Variants in METTL15 observed in about 807,000 individuals in gnomAD.
The protein encoded by METTL15 is methyltransferase 15, mitochondrial 12S rRNA N4-cytidine, also known as 12S rRNA N(4)-cytidine methyltransferase METTL15.
METTL15 carries 34 observed loss-of-function variants against 38.3 expected under a neutral mutation model. The observed-to-expected ratio is 0.89, with a 90% confidence interval of 0.68 to 1.18. The LOEUF (loss-of-function observed/expected upper bound fraction) is 1.18, where lower values mean the gene tolerates loss of function less well. Among genes scored for constraint, METTL15 ranks in the 50% most tolerant of loss-of-function variants. The pLI is 0.00. For missense variants in METTL15, 438 were observed against 498.4 expected, an observed-to-expected ratio of 0.88 and a Z score of 1.15; for synonymous variants, 162 against 170.9, an observed-to-expected ratio of 0.95 and a Z score of 0.41.
At chr11:28,155,062 T>C (rs1253636819) in intron 3 of METTL15, among the ~76,000 whole-genome samples, 1 of 152,144 alleles carries the variant, frequency 6.6e-6, no homozygotes, top group Non-Finnish European at 1.5e-5. Context: ...AAAAGAGAAT[T>C]AAGAAAGCAG....
chr11:28,201,331 G>C (rs1474910750), intron 3 of METTL15, among the ~76,000 whole-genome samples: 1 of 152,100 alleles, frequency 6.6e-6, no homozygotes, highest in Non-Finnish European at 1.5e-5. Context: ...ATGTTCATCA[G>C]GGATATTGGC....
chr11:28,408,714 T>C (rs1261941064), intron 5 of METTL15, among the ~76,000 whole-genome samples: 2 of 152,196 alleles, frequency 1.3e-5, no homozygotes, highest in African/African-American at 4.8e-5. Context: ...TATACAACAT[T>C]ATATTGAGAG....
At chr11:28,188,242 A>G (rs1851575148) in intron 3 of METTL15, among the ~76,000 whole-genome samples, 1 of 151,538 alleles carries the variant, frequency 6.6e-6, no homozygotes, top group East Asian at 1.9e-4. Context: ...CATGAATCAC[A>G]TATATTATTT....
intron 5 of METTL15, among the ~76,000 whole-genome samples, chr11:28,397,773 T>C (rs1025490457): frequency 3.3e-5 from 5 of 152,132 alleles, no homozygotes; most frequent in Admixed American, 2.0e-4. Context: ...CATGCTGCTA[T>C]AAAGACACAT....
chr11:28,467,888 C>A (rs978494460), intron 6 of METTL15, among the ~76,000 whole-genome samples: 3 of 152,062 alleles, frequency 2.0e-5, no homozygotes, highest in African/African-American at 7.2e-5. Flanking sequence ...GAGAAGGAAA[C>A]AGAGATATGA....
intron 6 of METTL15, among the ~76,000 whole-genome samples, chr11:28,306,604 C>T (rs761283720): frequency 1.3e-5 from 2 of 151,960 alleles, no homozygotes; most frequent in African/African-American, 4.8e-5. Context: ...ACAGTATGCA[C>T]CTCCACTCCT....
At chr11:28,203,348 G>A (rs986252563) in intron 3 of METTL15, among the ~76,000 whole-genome samples, 3 of 151,936 alleles carry the variant, frequency 2.0e-5, no homozygotes, top group Non-Finnish European at 4.4e-5. Flanking sequence ...TATCTTTCTT[G>A]GAGACTTAAT....
Position 28,421,867 on chromosome 11 carries a change from G to A in METTL15, c.*359-2432G>A, listed in dbSNP as rs746249297. ...AATCAGACAAGAGAAAGAAATAAAG[G>A]GCATCCAAATTGGAAAGGAATAAGT... On this transcript the variant is annotated intron_variant and NMD_transcript_variant, in intron 5 of 7. Transcript: ENST00000532947. Among the ~76,000 whole-genome samples, 4 of 151,862 alleles carry A rather than the reference G, an allele frequency of 2.6e-5. 1 individual carries two copies. Among genetic ancestry groups the A allele is most frequent in the Admixed American group, 1.3e-4 (2 of 15,234 alleles).
intron 5 of METTL15, among the ~76,000 whole-genome samples, chr11:28,400,333 T>C (rs917728610): frequency 6.6e-6 from 1 of 151,980 alleles, no homozygotes; most frequent in Non-Finnish European, 1.5e-5. Context: ...GTTAAGCCTT[T>C]AAGAAAGCAT....
intron 3 of METTL15, among the ~76,000 whole-genome samples, chr11:28,120,854 C>A (rs1293917828): frequency 2.6e-5 from 4 of 152,224 alleles, no homozygotes; most frequent in Admixed American, 2.0e-4. Flanking sequence ...TGCTTCAGAA[C>A]CTTGTCCTTT....
intron 5 of METTL15, among the ~76,000 whole-genome samples, chr11:28,391,372 T>C (rs1278138613): frequency 6.6e-6 from 1 of 152,086 alleles, no homozygotes; most frequent in East Asian, 1.9e-4. Flanking sequence ...GGGTTTGTCA[T>C]AGATAGCTCT....
At position 28,240,459 on chromosome 11, in the gene METTL15, C is replaced by T. The variant is rs1047449605; in HGVS notation, c.407+29261C>T. On this transcript the variant is annotated intron_variant, in intron 4 of 6. Coordinates refer to ENST00000407364, the MANE Select transcript of METTL15 (RefSeq NM_001113528.2). ...CAAAACTTAAACTCTAATGTGTATT[C>T]GCATTCATTTATTTCATTTGATCAT... 3.1e-4 allele frequency among the ~76,000 whole-genome samples: 47 copies of T among 152,158 alleles called. 1 individual carries two copies. Among genetic ancestry groups the T allele is most frequent in the African/African-American group, 1.0e-3 (42 of 41,526 alleles).
At chr11:28,513,851 G>C (rs1211934179) in intron 6 of METTL15, among the ~76,000 whole-genome samples, 1 of 152,220 alleles carries the variant, frequency 6.6e-6, no homozygotes. Flanking sequence ...CGCCCTGGGC[G>C]GGCCAGGTGT....
At chr11:28,379,706 A>G (rs1850360750) in intron 5 of METTL15, among the ~76,000 whole-genome samples, 1 of 152,192 alleles carries the variant, frequency 6.6e-6, no homozygotes, top group Non-Finnish European at 1.5e-5. Flanking sequence ...AATATTCTGT[A>G]AATGTCAGTT....
intron 5 of METTL15, among the ~76,000 whole-genome samples, chr11:28,376,627 T>C (rs1246799610): frequency 3.9e-5 from 6 of 152,218 alleles, no homozygotes; most frequent in Non-Finnish European, 8.8e-5. Flanking sequence ...TGCCAGTCTG[T>C]GTCTTTTAAT....
At chr11:28,219,588 C>G (rs1182295416) in intron 4 of METTL15, among the ~76,000 whole-genome samples, 1 of 151,988 alleles carries the variant, frequency 6.6e-6, no homozygotes, top group African/African-American at 2.4e-5. Context: ...TTAGTTATTT[C>G]TTGCCTTCTG....
At chr11:28,122,365 G>A (rs1852286313) in intron 3 of METTL15, among the ~76,000 whole-genome samples, 1 of 59,936 alleles carries the variant, frequency 1.7e-5, no homozygotes, top group South Asian at 4.1e-4. Flanking sequence ...GTGTGTGTGT[G>A]TGTGTGTATA....
At chr11:28,196,787 G>GTT (rs1851925661) in intron 3 of METTL15, among the ~76,000 whole-genome samples, 2 of 151,784 alleles carry the variant, frequency 1.3e-5, no homozygotes, top group Non-Finnish European at 2.9e-5. Flanking sequence ...CACTTTGAAA[G>GTT]TTGTATAAAG....
intron 6 of METTL15, among the ~76,000 whole-genome samples, chr11:28,306,252 AATT>A (rs1186233027): frequency 1.3e-5 from 2 of 152,096 alleles, no homozygotes; most frequent in Non-Finnish European, 2.9e-5. Flanking sequence ...TGCAAGTGAA[AATT>A]AGAGTGACCT....
Sources: allele counts gnomAD v4.1 joint callset (sites outside exome capture counted in the v4.1 genomes callset), GRCh38; gene constraint gnomAD v4.1.1; transcripts MANE v1.5; gene names NCBI Gene and HGNC (gene_info 2026-07-23, HGNC 2026-07-21).